The following ZNF595 variants were observed in gnomAD, a reference collection of about 807,000 sequenced individuals.
ZNF595 encodes zinc finger protein 595.
Under a neutral mutation model 19.4 loss-of-function variants are expected in ZNF595, and 9 were observed. That is an observed-to-expected ratio of 0.46 (90% CI 0.28 to 0.81). The LOEUF (loss-of-function observed/expected upper bound fraction) is 0.81, where lower values mean the gene tolerates loss of function less well. Among genes scored for constraint, ZNF595 ranks in the 30% least tolerant of loss-of-function variants. ZNF595 has a pLI of 0.11. For synonymous variants in ZNF595, 255 were observed against 255.9 expected (o/e 1.00, Z 0.03); for missense variants, 729 against 736.0 (o/e 0.99, Z 0.11).
At position 87,114 on chromosome 4, in the gene ZNF595, A is replaced by G. The variant is rs1441680244; in HGVS notation, c.1610A>G (p.Lys537Arg). The G allele has an allele frequency of 6.2e-7, 1 of 1,613,490 alleles. No individual in the cohort carries two copies. Among genetic ancestry groups the G allele is most frequent in the Non-Finnish European group, 8.5e-7 (1 of 1,179,846 alleles). Reference sequence around the variant, plus strand: ...ATTCATTCTGAACAAAAACTTTACAAATGTGAAGAATGTGGCAAAGCCTTT... The same window carrying G: ...ATTCATTCTGAACAAAAACTTTACAGATGTGAAGAATGTGGCAAAGCCTTT... ...RSIHSEQKLYKCEECGKAFTR... is the reference protein window; with the variant it reads ...RSIHSEQKLYRCEECGKAFTR... Residue 537 changes from lysine to arginine, a missense_variant, in exon 4 of 4, where the codon AAA becomes AGA. By Grantham distance (26) the Lys-to-Arg change is conservative. Around this residue, in one of 2 missense-constraint regions of ZNF595, gnomAD observed 729 missense variants for 675.3 expected, o/e 1.08. Transcript: ENST00000610261.
intron 3 of ZNF595, among the ~76,000 whole-genome samples, chr4:77,807 T>C (rs1713735725): frequency 6.6e-6 from 1 of 152,156 alleles, no homozygotes; most frequent in Non-Finnish European, 1.5e-5. Flanking sequence ...ATGGGGGTGC[T>C]GATACAATAT....
intron 3 of ZNF595, among the ~76,000 whole-genome samples, chr4:81,245 T>C (rs1417764770): frequency 5.3e-5 from 8 of 152,222 alleles, no homozygotes; most frequent in African/African-American, 1.9e-4. Flanking sequence ...TATTTCACTG[T>C]GTACACTAAG....
At chr4:83,393 G>C (rs1713999655) in intron 3 of ZNF595, among the ~76,000 whole-genome samples, 1 of 152,036 alleles carries the variant, frequency 6.6e-6, no homozygotes, top group Non-Finnish European at 1.5e-5. Context: ...GCCGAGGTGG[G>C]TGGTCACGAG....
rs1553801629 is a variant in ZNF595 at position 86,551 on chromosome 4, T to A, written c.1047T>A (p.Phe349Leu). 1 of 1,613,758 alleles carries A rather than the reference T, an allele frequency of 6.2e-7. No homozygotes were observed. Among genetic ancestry groups the A allele is most frequent in the Admixed American group, 1.7e-5 (1 of 59,992 alleles). ...PYTCEKCGKA[F>L]NQSSSLIIHR... is the part of the protein sequence containing the mutation. ...CATGTGAAAAATGTGGCAAAGCTTT[T>A]AACCAATCCTCAAGTCTTATTATAC... is the stretch of plus-strand genomic sequence containing the variant. Residue 349 changes from phenylalanine to leucine, a missense_variant, in exon 4 of 4, where the codon TTT becomes TTA. By Grantham distance (22) the Phe-to-Leu change is conservative. Transcript: ENST00000610261.
At position 87,445 on chromosome 4, in the gene ZNF595, T is replaced by C. The variant is rs1553802160; in HGVS notation, c.1941T>C (p.His647=). ...AGCGAATTCATACTGGCAAGGAACA[T>C]AGTTGAATGACATTTCTAGTAATCT... ...VHKRIHTGKE[H]S Residue 647 remains histidine, a synonymous_variant, in exon 4 of 4, where the codon CAT becomes CAC. Coordinates refer to ENST00000610261, the MANE Select transcript of ZNF595 (RefSeq NM_182524.4). The C allele has an allele frequency of 6.4e-7, 1 of 1,571,040 alleles. No homozygotes were observed. The highest frequency in any genetic ancestry group is 8.6e-7 in the Non-Finnish European group (1 of 1,158,628).
Position 85,854 on chromosome 4 carries a change from G to T in ZNF595, c.350G>T (p.Cys117Phe). The change falls in exon 4 of 4, where the codon TGT (cysteine) becomes TTT (phenylalanine). Residue 117 changes from cysteine to phenylalanine, a missense_variant. Transcript: ENST00000610261. Reference protein sequence around the residue: ...GHENLQLRKGCKRVNECKVQK... With the variant: ...GHENLQLRKGFKRVNECKVQK... Reference sequence around the variant, plus strand: ...GAGAATTTACAATTAAGAAAAGGCTGTAAACGTGTGAATGAGTGTAAGGTG... The same window carrying T: ...GAGAATTTACAATTAAGAAAAGGCTTTAAACGTGTGAATGAGTGTAAGGTG... 6.2e-7 allele frequency: 1 copy of T among 1,614,054 alleles called. No individual in the cohort carries two copies. Among genetic ancestry groups the T allele is most frequent in the Non-Finnish European group, 8.5e-7 (1 of 1,179,958 alleles).
Position 78,785 on chromosome 4 carries a change from C to G in ZNF595, c.227-6946C>G, listed in dbSNP as rs141403830. On this transcript the variant is annotated intron_variant, in intron 3 of 3. Coordinates refer to ENST00000610261, the MANE Select transcript of ZNF595 (RefSeq NM_182524.4). ...CCAAGCTGGAGTGCAGTGGTGCGATCTCAGCTTACCGCAGCCTCCTGCATC... is the reference window on the plus strand; with the variant it reads ...CCAAGCTGGAGTGCAGTGGTGCGATGTCAGCTTACCGCAGCCTCCTGCATC... 1.2e-4 allele frequency among the ~76,000 whole-genome samples: 18 copies of G among 152,320 alleles called. No homozygotes were observed. The East Asian group carries it at 3.3e-3, about 28-fold the overall frequency.
At chr4:73,043 T>G (rs1262043172) in intron 3 of ZNF595, among the ~76,000 whole-genome samples, 3 of 152,086 alleles carry the variant, frequency 2.0e-5, no homozygotes, top group Non-Finnish European at 4.4e-5. Context: ...TGGGAGGTTG[T>G]TTGTGATGTC....
intron 3 of ZNF595, among the ~76,000 whole-genome samples, chr4:77,277 G>T (rs13147163): frequency 2.0e-5 from 3 of 149,976 alleles, no homozygotes; most frequent in Non-Finnish European, 3.0e-5. Context: ...TATCCATTTG[G>T]TTCTCTTTCT....
At chr4:74,930 A>G (rs1713584028) in intron 3 of ZNF595, among the ~76,000 whole-genome samples, 2 of 152,152 alleles carry the variant, frequency 1.3e-5, no homozygotes, top group Non-Finnish European at 2.9e-5. Flanking sequence ...CAATATATTT[A>G]TGTGCTTCTA....
At chr4:57,477 C>CCCCATAATAATGA (rs1479941375) in intron 1 of ZNF595, among the ~76,000 whole-genome samples, 8 of 152,130 alleles carry the variant, frequency 5.3e-5, no homozygotes, top group Non-Finnish European at 1.0e-4. Flanking sequence ...GGGCATCAGC[C>CCCCATAATAATGA]CAGGGTCACT....
chr4:60,706 C>T (rs1175040806), intron 3 of ZNF595, among the ~76,000 whole-genome samples: 1 of 152,238 alleles, frequency 6.6e-6, no homozygotes. Flanking sequence ...GTGTGCATCA[C>T]CCTGCTTAGT....
chr4:77,733 T>C (rs1553799004), intron 3 of ZNF595, among the ~76,000 whole-genome samples: 5 of 152,206 alleles, frequency 3.3e-5, no homozygotes. Flanking sequence ...AAGACTAGAC[T>C]TTCTTCAAGA....
chr4:73,651 C>T (rs1713523714), intron 3 of ZNF595, among the ~76,000 whole-genome samples: 1 of 152,174 alleles, frequency 6.6e-6, no homozygotes, highest in Non-Finnish European at 1.5e-5. Flanking sequence ...CTCCTCTTTT[C>T]CCGCACTTTC....
At chr4:62,869 C>A (rs1712908950) in intron 3 of ZNF595, among the ~76,000 whole-genome samples, 1 of 22,960 alleles carries the variant, frequency 4.4e-5, no homozygotes, top group African/African-American at 1.7e-4. Flanking sequence ...GATGACATAC[C>A]AAATTGCCAA....
At chr4:82,279 A>G (rs1182335312) in intron 3 of ZNF595, among the ~76,000 whole-genome samples, 2 of 151,934 alleles carry the variant, frequency 1.3e-5, no homozygotes, top group Non-Finnish European at 2.9e-5. Context: ...TACATCGAAC[A>G]GTCCAGATAT....
intron 3 of ZNF595, among the ~76,000 whole-genome samples, chr4:63,074 T>C (rs1712913831): frequency 9.3e-6 from 1 of 107,800 alleles, no homozygotes; most frequent in African/African-American, 4.0e-5. Flanking sequence ...AAGACTATAC[T>C]TTCTGCATTG....
intron 3 of ZNF595, among the ~76,000 whole-genome samples, chr4:83,488 C>T (rs180880136): frequency 5.3e-4 from 81 of 151,658 alleles, no homozygotes; most frequent in Admixed American, 1.2e-3. Flanking sequence ...GGCGTGGTGG[C>T]GGGTACCTGT....
chr4:77,686 T>C (rs1713727343), intron 3 of ZNF595, among the ~76,000 whole-genome samples: 1 of 152,218 alleles, frequency 6.6e-6, no homozygotes, highest in African/African-American at 2.4e-5. Flanking sequence ...AGACCTGTTA[T>C]CAGGCCATCA....
Sources: allele counts gnomAD v4.1 joint callset (sites outside exome capture counted in the v4.1 genomes callset), GRCh38; gene constraint gnomAD v4.1.1; regional missense constraint gnomAD v4.1.1; transcripts MANE v1.5; gene names NCBI Gene and HGNC (gene_info 2026-07-23, HGNC 2026-07-21).